ST3GAL4: variants seen among roughly 807,000 people sequenced by gnomAD.
The protein encoded by ST3GAL4 is CMP-N-acetylneuraminate-beta-galactosamide-alpha-2,3-sialyltransferase 4.
Under a neutral mutation model 42.6 loss-of-function variants are expected in ST3GAL4, and 24 were observed. The ratio of observed to expected loss-of-function variants is 0.56; its 90% CI spans 0.41 to 0.79. The LOEUF (loss-of-function observed/expected upper bound fraction) is 0.79. Ranked by LOEUF, ST3GAL4 falls within the 30% of genes least tolerant of loss-of-function variation. The probability of loss-of-function intolerance (pLI) is 0.00; values close to 1 mark genes in which losing one functional copy is unlikely to be tolerated. For missense variants in ST3GAL4, 311 were observed against 430.8 expected (o/e 0.72, Z 2.46); for synonymous variants, 135 against 163.2 (o/e 0.83, Z 1.32).
At chr11:126,375,551 G>A (rs1009156885) in intron 1 of ST3GAL4, among the ~76,000 whole-genome samples, 9 of 152,124 alleles carry the variant, frequency 5.9e-5, no homozygotes, top group African/African-American at 9.7e-5. Flanking sequence ...ACCTGGGCCG[G>A]TTACTGACCC....
chr11:126,381,970 C>T (rs940019079), intron 1 of ST3GAL4, among the ~76,000 whole-genome samples: 33 of 151,946 alleles, frequency 2.2e-4, no homozygotes, highest in African/African-American at 6.8e-4. Context: ...GGTCCCGGGC[C>T]CCCTCCCAGC....
rs1952167438 is a variant in ST3GAL4 at position 126,359,206 on chromosome 11, T to G, written c.-61+3364T>G. Among the ~76,000 whole-genome samples, 1 of 151,904 alleles carries G rather than the reference T, an allele frequency of 6.6e-6. No individual in the cohort carries two copies. The highest frequency in any genetic ancestry group is 1.5e-5 in the Non-Finnish European group (1 of 68,014). On this transcript the variant is annotated intron_variant, in intron 1 of 10. Transcript: ENST00000444328. The surrounding 1 kb of genome is among the most constrained non-coding windows in gnomAD (Gnocchi z 4.8). Reference sequence around the variant, plus strand: ...TGCAGCATGGGTGAACATCTGTACATCTGTCCCCATAATGAAAATGGCCTC... The same window carrying G: ...TGCAGCATGGGTGAACATCTGTACAGCTGTCCCCATAATGAAAATGGCCTC...
chr11:126,406,038 G>C lies in ST3GAL4; in HGVS notation c.-60-58G>C, dbSNP rs1313858051. 3 of 1,537,156 alleles carry C rather than the reference G, an allele frequency of 2.0e-6. No homozygotes were observed. The highest frequency in any genetic ancestry group is 2.6e-6 in the Non-Finnish European group (3 of 1,134,920). On this transcript the variant is annotated intron_variant, in intron 1 of 10. Transcript: ENST00000444328. The surrounding 1 kb of genome is among the most constrained non-coding windows in gnomAD (Gnocchi z 5.4). Reference sequence around the variant, plus strand: ...CAGACAGTGGGTGTGTCCTGCTCCAGTGTCTAGGCAGGAGAGTTTGTGAAG... The same window carrying C: ...CAGACAGTGGGTGTGTCCTGCTCCACTGTCTAGGCAGGAGAGTTTGTGAAG...
intron 1 of ST3GAL4, among the ~76,000 whole-genome samples, chr11:126,380,785 G>A (rs76970536): frequency 0.064 from 9,692 of 152,236 alleles, 429 homozygotes; most frequent in East Asian, 0.16. Flanking sequence ...AAGAGCTGCC[G>A]CATGGAGCTT....
chr11:126,409,452 C>T lies in ST3GAL4; in HGVS notation c.771+41C>T, dbSNP rs79712915. On this transcript the variant is annotated intron_variant, in intron 9 of 10. Coordinates refer to ENST00000444328, the MANE Select transcript of ST3GAL4 (RefSeq NM_001254757.2). This position sits in a 1 kb window ranked among gnomAD's most constrained non-coding sequence, Gnocchi z 4.9. ...CAGGCCTGAGGGCTAGGATCCTGGGCGGGAAGTAGGAGGGATGATCCTATG... is the reference window on the plus strand; with the variant it reads ...CAGGCCTGAGGGCTAGGATCCTGGGTGGGAAGTAGGAGGGATGATCCTATG... 1,022 of 1,613,326 alleles carry T rather than the reference C, an allele frequency of 6.3e-4. 9 individuals are homozygous for T. The African/African-American group carries it at 0.012, about 19-fold the overall frequency.
chr11:126,381,122 T>C (rs1952986098), intron 1 of ST3GAL4, among the ~76,000 whole-genome samples: 1 of 152,186 alleles, frequency 6.6e-6, no homozygotes, highest in African/African-American at 2.4e-5. Flanking sequence ...CTGGCCTCTG[T>C]TGGCTTTGAG....
chr11:126,372,980 G>A (rs1027060101), intron 1 of ST3GAL4, among the ~76,000 whole-genome samples: 7 of 152,136 alleles, frequency 4.6e-5, no homozygotes, highest in African/African-American at 1.7e-4. Context: ...CTTGTCTCTT[G>A]TTTTCTCTTT....
rs10599019 is a variant in ST3GAL4, at chr11:126,388,660, G to GTTTTT, written c.-60-17419_-60-17415dup. On this transcript the variant is annotated intron_variant, in intron 1 of 10. Transcript: ENST00000444328. ...TGCCTATTTTTAAATTAGGTTTCTTGTTTTTTTTTTTTTTTTTTTTTCTGA... is the reference window on the plus strand; with the variant it reads ...TGCCTATTTTTAAATTAGGTTTCTTGTTTTTTTTTTTTTTTTTTTTTTTTTTCTGA... Among the ~76,000 whole-genome samples the GTTTTT allele has an allele frequency of 3.5e-3, 276 of 79,228 alleles. 7 individuals carry two copies. The highest frequency in any genetic ancestry group is 0.013 in the African/African-American group (246 of 18,450). The allele number at this position is 79,228 out of a possible 152,430, so 52.0% of individuals were successfully genotyped here. A position where few individuals can be genotyped will look rare whatever the true frequency, so the allele number is the denominator to read the frequency against.
intron 1 of ST3GAL4, among the ~76,000 whole-genome samples, chr11:126,385,162 CT>C (rs111523385): frequency 8.4e-4 from 123 of 145,634 alleles, no homozygotes; most frequent in Admixed American, 9.6e-4. Context: ...CAGTTTCTTT[CT>C]TTTTTTTTTT....
At chr11:126,412,446 G>C (rs763322922) in intron 9 of ST3GAL4, among the ~76,000 whole-genome samples, 2 of 152,236 alleles carry the variant, frequency 1.3e-5, no homozygotes, top group Admixed American at 6.5e-5. Context: ...GGCTGGAGAA[G>C]TGAGAATATC....
rs1555082244 is a variant in ST3GAL4 at position 126,371,163 on chromosome 11, C to CTTATTTTTTTTTTTTTTTTTTTTTT, written c.-61+15323_-61+15324insATTTTTTTTTTTTTTTTTTTTTTTT. Among the ~76,000 whole-genome samples, 56 of 59,966 alleles carry CTTATTTTTTTTTTTTTTTTTTTTTT rather than the reference C, an allele frequency of 9.3e-4. 8 individuals are homozygous for CTTATTTTTTTTTTTTTTTTTTTTTT. Among genetic ancestry groups the CTTATTTTTTTTTTTTTTTTTTTTTT allele is most frequent in the South Asian group, 1.7e-3 (2 of 1,148 alleles). The allele number at this position is 59,966 out of a possible 152,430, so 39.3% of individuals were successfully genotyped here. On this transcript the variant is annotated intron_variant, in intron 1 of 10. Transcript: ENST00000444328. ...ATCTATTCTATTCTTCCCCACATTC[C>CTTATTTTTTTTTTTTTTTTTTTTTT]TTTTTTTTTTTTTTTTTTTGAGATG...
chr11:126,384,309 A>G lies in ST3GAL4; in HGVS notation c.-60-21787A>G, dbSNP rs1365119479. Among the ~76,000 whole-genome samples the G allele has an allele frequency of 6.6e-6, 1 of 152,172 alleles. No individual in the cohort carries two copies. The highest frequency in any genetic ancestry group is 2.4e-5 in the African/African-American group (1 of 41,428). On this transcript the variant is annotated intron_variant, in intron 1 of 10. Coordinates refer to ENST00000444328, the MANE Select transcript of ST3GAL4 (RefSeq NM_001254757.2). This position sits in a 1 kb window ranked among gnomAD's most constrained non-coding sequence, Gnocchi z 5.5. ...GAGCCCAGATCTCCGGTGCTCCAAGACACTCAAAACCAGAGCTGAGAGCCT... is the reference window on the plus strand; with the variant it reads ...GAGCCCAGATCTCCGGTGCTCCAAGGCACTCAAAACCAGAGCTGAGAGCCT...
intron 1 of ST3GAL4, among the ~76,000 whole-genome samples, chr11:126,399,301 CTTTTTTTTTT>C (rs58479155): frequency 4.6e-5 from 4 of 87,736 alleles, no homozygotes; most frequent in South Asian, 4.8e-4. Flanking sequence ...TTCTTTCCTT[CTTTTTTTTTT>C]TTTTTTTTTT....
Position 126,406,335 on chromosome 11 carries a change from C to A in ST3GAL4, c.17-138C>A. The A allele has an allele frequency of 6.5e-7, 1 of 1,542,742 alleles. No individual in the cohort carries two copies. The highest frequency in any genetic ancestry group is 1.2e-5 in the South Asian group (1 of 82,746). ...GGTACAATCAGGGTCAAGCCCTCAG[C>A]CAGGGCCAGGAGAGGGCCAGAGACT... On this transcript the variant is annotated intron_variant, in intron 2 of 10. Transcript: ENST00000444328. The surrounding 1 kb of genome is among the most constrained non-coding windows in gnomAD (Gnocchi z 5.4).
Position 126,410,080 on chromosome 11 carries a change from T to A in ST3GAL4, c.771+669T>A, listed in dbSNP as rs113328505. Among the ~76,000 whole-genome samples, 94 of 152,214 alleles carry A rather than the reference T, an allele frequency of 6.2e-4. 1 individual carries two copies. Among genetic ancestry groups the A allele is most frequent in the Admixed American group, 2.0e-3 (30 of 15,286 alleles). The stretch of plus-strand genomic sequence containing the variant: ...CCATCACGCCTGGCTAATTTTTAAA[T>A]TTTTTTGTAGAGATGGGGGTCTCAC... On this transcript the variant is annotated intron_variant, in intron 9 of 10. Coordinates refer to ENST00000444328, the MANE Select transcript of ST3GAL4 (RefSeq NM_001254757.2). This position sits in a 1 kb window ranked among gnomAD's most constrained non-coding sequence, Gnocchi z 5.3.
chr11:126,371,163 C>CTTATTTTTTTTTTTTTTTTTTTTTTTTTT lies in ST3GAL4; in HGVS notation c.-61+15323_-61+15324insATTTTTTTTTTTTTTTTTTTTTTTTTTTT, dbSNP rs1555082244. ...ATCTATTCTATTCTTCCCCACATTC[C>CTTATTTTTTTTTTTTTTTTTTTTTTTTTT]TTTTTTTTTTTTTTTTTTTGAGATG... On this transcript the variant is annotated intron_variant, in intron 1 of 10. Coordinates refer to ENST00000444328, the MANE Select transcript of ST3GAL4 (RefSeq NM_001254757.2). 1.0e-4 allele frequency among the ~76,000 whole-genome samples: 6 copies of CTTATTTTTTTTTTTTTTTTTTTTTTTTTT among 59,966 alleles called. 1 individual carries two copies. The highest frequency in any genetic ancestry group is 0.018 in the Middle Eastern group (1 of 56). The allele number at this position is 59,966 out of a possible 152,430, so 39.3% of individuals were successfully genotyped here.
At position 126,407,052 on chromosome 11, in the gene ST3GAL4, G is replaced by A. The variant is rs199690916; in HGVS notation, c.182+29G>A. 1.1e-5 allele frequency: 18 copies of A among 1,603,226 alleles called. No individual in the cohort carries two copies. In the Admixed American group the frequency reaches 1.7e-4, roughly 15 times the overall value. ...AGTACTTAAGGATGAGGAGGGTAGA[G>A]CAGGGCATGGAGCGAGCTGGGATTG... On this transcript the variant is annotated intron_variant, in intron 4 of 10. Coordinates refer to ENST00000444328, the MANE Select transcript of ST3GAL4 (RefSeq NM_001254757.2).
At position 126,409,311 on chromosome 11, in the gene ST3GAL4, T is replaced by A. The variant is rs1472257738; in HGVS notation, c.671T>A (p.Val224Asp). 2.5e-6 allele frequency: 4 copies of A among 1,614,240 alleles called. No homozygotes were observed. The highest frequency in any genetic ancestry group is 3.4e-6 in the Non-Finnish European group (4 of 1,180,040). Residue 224 changes from valine to aspartate, a missense_variant, in exon 9 of 11, where the codon GTC (valine) becomes GAC (aspartate). By Grantham distance (152) the Val-to-Asp change is radical. Coordinates refer to ENST00000444328, the MANE Select transcript of ST3GAL4 (RefSeq NM_001254757.2). This position sits in a 1 kb window ranked among gnomAD's most constrained non-coding sequence, Gnocchi z 4.9. Reference sequence around the variant, plus strand: ...AAACAGCCTCCCCTCATCTGGGATGTCAATCCTAAACAGATTCGGATTCTC... The same window carrying A: ...AAACAGCCTCCCCTCATCTGGGATGACAATCCTAAACAGATTCGGATTCTC... ...FWKQPPLIWD[V>D]NPKQIRILNP... is the part of the protein sequence containing the mutation.
chr11:126,406,017 C>T lies in ST3GAL4; in HGVS notation c.-60-79C>T. 2 of 1,495,058 alleles carry T rather than the reference C, an allele frequency of 1.3e-6. No individual in the cohort carries two copies. The highest frequency in any genetic ancestry group is 2.0e-5 in the Admixed American group (1 of 50,718). The allele number at this position is 1,495,058 out of a possible 1,614,324, so 92.6% of individuals were successfully genotyped here. A position where few individuals can be genotyped will look rare whatever the true frequency, so the allele number is the denominator to read the frequency against. ...CTTTCTGGTGGAAGGGAGGGGCAGACAGTGGGTGTGTCCTGCTCCAGTGTC... is the reference window on the plus strand; with the variant it reads ...CTTTCTGGTGGAAGGGAGGGGCAGATAGTGGGTGTGTCCTGCTCCAGTGTC... On this transcript the variant is annotated intron_variant, in intron 1 of 10. Transcript: ENST00000444328. The surrounding 1 kb of genome is among the most constrained non-coding windows in gnomAD (Gnocchi z 5.4).
Sources: gnomAD v4.1 joint callset for allele counts (sites outside exome capture counted in the v4.1 genomes callset) on GRCh38, gnomAD v4.1.1 for gene constraint, Gnocchi (gnomAD v3.1) non-coding constraint, MANE v1.5 for transcripts, NCBI Gene and HGNC (gene_info 2026-07-23, HGNC 2026-07-21) for gene names.